The following ROBO2 variants were observed in gnomAD, a reference collection of about 807,000 sequenced individuals.
ROBO2 encodes the protein roundabout guidance receptor 2.
ROBO2 carries 53 observed loss-of-function variants against 160.8 expected under a neutral mutation model. The ratio of observed to expected loss-of-function variants is 0.33; its 90% CI spans 0.26 to 0.41. ROBO2 has a LOEUF of 0.41. Among genes scored for constraint, ROBO2 ranks in the 10% least tolerant of loss-of-function variants. The pLI is 1.00. For missense variants in ROBO2, 1,577 were observed against 1,722.4 expected (o/e 0.92, Z 1.49); for synonymous variants, 664 against 611.7 (o/e 1.09, Z -1.26).
intron 2 of ROBO2, among the ~76,000 whole-genome samples, chr3:77,408,289 T>C (rs2076421319): frequency 6.6e-6 from 1 of 152,174 alleles, no homozygotes; most frequent in Non-Finnish European, 1.5e-5. Flanking sequence ...TGCGTGTGTA[T>C]GTGTCGTTTA....
chr3:76,794,828 C>T (rs919632886), intron 2 of ROBO2, among the ~76,000 whole-genome samples: 1 of 151,912 alleles, frequency 6.6e-6, no homozygotes. Context: ...TTTGGTAAAC[C>T]TCATCATTTT....
intron 9 of ROBO2, among the ~76,000 whole-genome samples, chr3:77,562,145 T>A (rs1190283354): frequency 6.6e-6 from 1 of 152,178 alleles, no homozygotes; most frequent in Non-Finnish European, 1.5e-5. Context: ...CTTTTTTCCA[T>A]GTCTTTCAAA....
At chr3:77,409,575 C>G (rs2076533992) in intron 2 of ROBO2, among the ~76,000 whole-genome samples, 1 of 152,034 alleles carries the variant, frequency 6.6e-6, no homozygotes, top group African/African-American at 2.4e-5. Context: ...AATACATGCG[C>G]CGGCTTTATG....
chr3:76,917,610 C>A (rs1325915850), intron 2 of ROBO2, among the ~76,000 whole-genome samples: 2 of 152,094 alleles, frequency 1.3e-5, no homozygotes, highest in African/African-American at 4.8e-5. Context: ...CAATTTGTGT[C>A]TTTTGCTTAT....
At chr3:76,479,061 G>A (rs13093696) in intron 2 of ROBO2, among the ~76,000 whole-genome samples, 59,355 of 151,892 alleles carry the variant, frequency 0.39, 12,271 homozygotes, top group East Asian at 0.57. Flanking sequence ...GGCCTCTGCT[G>A]CATTAAGATG....
chr3:76,699,392 TCTC>T (rs953747841), intron 2 of ROBO2, among the ~76,000 whole-genome samples: 2 of 151,706 alleles, frequency 1.3e-5, no homozygotes, highest in African/African-American at 4.8e-5. Flanking sequence ...ATATCAGACT[TCTC>T]CAGGCAGGCC....
At chr3:77,133,268 G>C (rs1486926727) in intron 2 of ROBO2, among the ~76,000 whole-genome samples, 3 of 152,090 alleles carry the variant, frequency 2.0e-5, no homozygotes, top group Admixed American at 2.0e-4. Context: ...TATTTTGAGA[G>C]GGTAGCGATG....
At chr3:76,960,848 G>A (rs2079597311) in intron 2 of ROBO2, among the ~76,000 whole-genome samples, 2 of 151,958 alleles carry the variant, frequency 1.3e-5, no homozygotes, top group African/African-American at 4.8e-5. Context: ...CATAATTGTG[G>A]GAGCAAGGAA....
intron 2 of ROBO2, among the ~76,000 whole-genome samples, chr3:76,798,729 T>G (rs2063965105): frequency 6.6e-6 from 1 of 151,906 alleles, no homozygotes; most frequent in Admixed American, 6.6e-5. Flanking sequence ...TGCCTCTATT[T>G]GAAAAATACA....
intron 2 of ROBO2, among the ~76,000 whole-genome samples, chr3:75,967,707 C>T (rs1009926678): frequency 1.3e-5 from 2 of 151,350 alleles, no homozygotes; most frequent in African/African-American, 4.8e-5. Context: ...GTTTTTAATG[C>T]ATAGTTACCA....
intron 2 of ROBO2, among the ~76,000 whole-genome samples, chr3:76,539,910 A>G (rs1410269736): frequency 6.6e-6 from 1 of 152,224 alleles, no homozygotes; most frequent in Non-Finnish European, 1.5e-5. Flanking sequence ...AATGAAATGC[A>G]TTATGAAAAA....
At chr3:77,336,413 A>T (rs1021178853) in intron 2 of ROBO2, among the ~76,000 whole-genome samples, 5 of 147,418 alleles carry the variant, frequency 3.4e-5, no homozygotes, top group African/African-American at 1.2e-4. Flanking sequence ...TCCCTTTGGA[A>T]CTTCCTTATT....
Position 77,481,891 on chromosome 3 carries a change from G to T in ROBO2, c.667+672G>T, listed in dbSNP as rs529706624. ...AAACTGGGGACAAATAAAGATGGCC[G>T]AGGAAACAAATGTAAGGAAAATACT... On this transcript the variant is annotated intron_variant, in intron 4 of 25. Coordinates refer to ENST00000461745, the Ensembl canonical transcript of ROBO2. Among the ~76,000 whole-genome samples the T allele has an allele frequency of 1.4e-4, 22 of 152,192 alleles. No homozygotes were observed. In the South Asian group the frequency reaches 4.4e-3, roughly 30 times the overall value.
chr3:76,232,243 A>T (rs1704663265), intron 2 of ROBO2, among the ~76,000 whole-genome samples: 1 of 152,230 alleles, frequency 6.6e-6, no homozygotes, highest in African/African-American at 2.4e-5. Flanking sequence ...TAAGCATCTC[A>T]GTATATATGG....
At chr3:76,331,935 C>T (rs557804636) in intron 2 of ROBO2, among the ~76,000 whole-genome samples, 3 of 152,146 alleles carry the variant, frequency 2.0e-5, no homozygotes, top group South Asian at 2.1e-4. Flanking sequence ...CCGCCCAGCT[C>T]GACCTCCCAA....
chr3:77,203,622 A>G (rs1022812042), intron 2 of ROBO2, among the ~76,000 whole-genome samples: 16 of 152,334 alleles, frequency 1.1e-4, no homozygotes, highest in African/African-American at 3.4e-4. Flanking sequence ...CCAATTTATT[A>G]TTCACATAGA....
chr3:77,632,861 T>G, intron 23 of ROBO2: 1 of 397,424 alleles, frequency 2.5e-6, no homozygotes, highest in Non-Finnish European at 4.4e-6. Context: ...CTCAACACTT[T>G]CTCTTATTTT....
At chr3:76,649,941 ACCTTTTGAAG>A (rs1218175575) in intron 2 of ROBO2, among the ~76,000 whole-genome samples, 1 of 152,152 alleles carries the variant, frequency 6.6e-6, no homozygotes, top group Non-Finnish European at 1.5e-5. Context: ...TGTTATTATT[ACCTTTTGAAG>A]AGTTATTTAA....
At chr3:76,083,692 A>T (rs1217727009) in intron 2 of ROBO2, among the ~76,000 whole-genome samples, 4 of 152,062 alleles carry the variant, frequency 2.6e-5, no homozygotes, top group Non-Finnish European at 1.5e-5. Flanking sequence ...CTGTCCCAAA[A>T]TTCTACACCT....
Sources: allele counts gnomAD v4.1 joint callset (sites outside exome capture counted in the v4.1 genomes callset), GRCh38; gene constraint gnomAD v4.1.1; transcripts MANE v1.5; gene names NCBI Gene and HGNC (gene_info 2026-07-23, HGNC 2026-07-21).